SPMIP4: variants seen among roughly 807,000 people sequenced by gnomAD.
The protein encoded by SPMIP4 is sperm microtubule inner protein 4.
chr7:25,167,847 G>T, the SPMIP4 span, among the ~76,000 whole-genome samples: 1 of 152,056 alleles, frequency 6.6e-6, no homozygotes, highest in Non-Finnish European at 1.5e-5. Flanking sequence ...GAATAGAGTT[G>T]CTGAGTAACT....
chr7:25,161,379 T>C, the SPMIP4 span: 21 of 473,992 alleles, frequency 4.4e-5, no homozygotes, highest in Middle Eastern at 5.7e-4. Flanking sequence ...ATTCAATATA[T>C]GAAAAGGTGT....
the SPMIP4 span, chr7:25,142,755 G>A: frequency 1.9e-5 from 30 of 1,596,424 alleles, no homozygotes; most frequent in African/African-American, 9.5e-5. Context: ...TGTTAGGAGC[G>A]AAGGTTTTAG....
chr7:25,148,940 A>G, the SPMIP4 span, among the ~76,000 whole-genome samples: 18 of 152,232 alleles, frequency 1.2e-4, no homozygotes, highest in Non-Finnish European at 1.5e-5. Context: ...TGGACAGAAA[A>G]AGGAAAGTGA....
At chr7:25,153,351 G>A in the SPMIP4 span, among the ~76,000 whole-genome samples, 324 of 151,894 alleles carry the variant, frequency 2.1e-3, 3 homozygotes, top group African/African-American at 7.4e-3. Context: ...ATCACTTGAC[G>A]TCAGGAGTTC....
At chr7:25,179,275 T>G in the SPMIP4 span, 1 of 1,613,406 alleles carries the variant, frequency 6.2e-7, no homozygotes, top group Admixed American at 1.7e-5. Flanking sequence ...TCAAGCTCCC[T>G]GCAACAGTAG....
At chr7:25,177,222 A>G in the SPMIP4 span, among the ~76,000 whole-genome samples, 3 of 152,170 alleles carry the variant, frequency 2.0e-5, no homozygotes, top group African/African-American at 7.2e-5. Context: ...CTGGTTTCCT[A>G]GAGAATTCTT....
chr7:25,156,163 G>A, the SPMIP4 span, among the ~76,000 whole-genome samples: 1 of 152,152 alleles, frequency 6.6e-6, no homozygotes, highest in Non-Finnish European at 1.5e-5. Context: ...ACCTGAGGAG[G>A]ATGCCATGTG....
chr7:25,130,150 A>G, the SPMIP4 span, among the ~76,000 whole-genome samples: 1 of 151,688 alleles, frequency 6.6e-6, no homozygotes, highest in African/African-American at 2.4e-5. Context: ...GAGGCAGGAG[A>G]ATCACTTGAA....
At chr7:25,168,460 T>C in the SPMIP4 span, 1 of 1,577,064 alleles carries the variant, frequency 6.3e-7, no homozygotes, top group African/African-American at 1.4e-5. Context: ...CCTTAATTCC[T>C]GATACCTGTG....
the SPMIP4 span, among the ~76,000 whole-genome samples, chr7:25,146,013 T>C: frequency 1.3e-5 from 2 of 152,200 alleles, no homozygotes; most frequent in Non-Finnish European, 2.9e-5. Flanking sequence ...GGAGACCACA[T>C]TGCCATTTGC....
At chr7:25,142,293 T>C in the SPMIP4 span, 1,067,876 of 1,610,352 alleles carry the variant, frequency 0.66, 358,197 homozygotes, top group Middle Eastern at 0.69. Context: ...CATCTTTTCA[T>C]GGTAATCATC....
chr7:25,140,065 A>G, the SPMIP4 span, among the ~76,000 whole-genome samples: 4 of 152,260 alleles, frequency 2.6e-5, no homozygotes, highest in African/African-American at 9.6e-5. Flanking sequence ...CATACCATAC[A>G]GGGTCGAATC....
chr7:25,157,515 G>C, the SPMIP4 span, among the ~76,000 whole-genome samples: 3 of 152,326 alleles, frequency 2.0e-5, no homozygotes, highest in South Asian at 6.2e-4. Context: ...ATGTACCCTT[G>C]CTACGATGCG....
At chr7:25,151,346 C>T in the SPMIP4 span, among the ~76,000 whole-genome samples, 226 of 151,842 alleles carry the variant, frequency 1.5e-3, 1 homozygote, top group South Asian at 6.0e-3. Flanking sequence ...CTCAGCCTCC[C>T]GAGTAGCTAG....
the SPMIP4 span, among the ~76,000 whole-genome samples, chr7:25,169,993 A>G: frequency 6.6e-6 from 1 of 152,216 alleles, no homozygotes; most frequent in Non-Finnish European, 1.5e-5. Flanking sequence ...TCTCGTGAAT[A>G]ATACTGCTAT....
At chr7:25,158,554 T>C in the SPMIP4 span, 7 of 1,599,322 alleles carry the variant, frequency 4.4e-6, no homozygotes, top group Non-Finnish European at 5.1e-6. Context: ...AGGAAACAAG[T>C]TCTAACTTAT....
chr7:25,126,985 C>G, the SPMIP4 span, among the ~76,000 whole-genome samples: 1 of 152,180 alleles, frequency 6.6e-6, no homozygotes, highest in African/African-American at 2.4e-5. Context: ...TTTTTTCCCT[C>G]AGCACTTTAA....
At chr7:25,160,483 G>C in the SPMIP4 span, among the ~76,000 whole-genome samples, 3 of 152,068 alleles carry the variant, frequency 2.0e-5, no homozygotes, top group Non-Finnish European at 4.4e-5. Context: ...ATTTTTAGTA[G>C]AGACAGGGTT....
At chr7:25,134,568 G>T in the SPMIP4 span, 1 of 566,242 alleles carries the variant, frequency 1.8e-6, no homozygotes, top group Non-Finnish European at 2.2e-6. Flanking sequence ...CTTGCATGGA[G>T]GTAGGCAGAG....
Sources: gnomAD v4.1 joint callset for allele counts (sites outside exome capture counted in the v4.1 genomes callset) on GRCh38, gnomAD v4.1.1 for gene constraint, MANE v1.5 for transcripts, NCBI Gene and HGNC (gene_info 2026-07-23, HGNC 2026-07-21) for gene names.